Variants in CLUAP1 observed in about 807,000 individuals in gnomAD.
The protein encoded by CLUAP1 is clusterin-associated protein 1.
CLUAP1 carries 50 observed loss-of-function variants against 55.0 expected under a neutral mutation model. The ratio of observed to expected loss-of-function variants is 0.91; its 90% confidence interval spans 0.72 to 1.15. The LOEUF is 1.15. Ranked by LOEUF, CLUAP1 falls within the 50% of genes most tolerant of loss-of-function variation. The pLI is 0.00. For missense variants in CLUAP1, 530 were observed against 507.6 expected, an observed-to-expected ratio of 1.04 and a Z score of -0.42; for synonymous variants, 195 against 175.4, an observed-to-expected ratio of 1.11 and a Z score of -0.88.
chr16:3,506,315 T>G lies in CLUAP1; in HGVS notation c.135-16T>G. 6.2e-7 allele frequency: 1 copy of G among 1,607,050 alleles called. No individual in the cohort carries two copies. The highest frequency in any genetic ancestry group is 8.5e-7 in the Non-Finnish European group (1 of 1,173,620). On this transcript the variant is annotated splice_polypyrimidine_tract_variant and intron_variant, in intron 2 of 11. Transcript: ENST00000576634. ...CTTGGTTAACCCGTGCTCTCTCCTC[T>G]TACCTCTCTTGATAGATATGAGCCC...
chr16:3,514,860 C>G (rs78609813), intron 5 of CLUAP1, among the ~76,000 whole-genome samples: 1 of 152,302 alleles, frequency 6.6e-6, no homozygotes, highest in Non-Finnish European at 1.5e-5. Context: ...AACCTCATAA[C>G]TATATCCACA....
At chr16:3,522,410 C>T (rs968138916) in intron 7 of CLUAP1, among the ~76,000 whole-genome samples, 19 of 152,162 alleles carry the variant, frequency 1.2e-4, no homozygotes, top group African/African-American at 3.9e-4. Context: ...TTGATCCACC[C>T]GCCTCAGTCT....
chr16:3,505,123 C>T (rs940600839), intron 2 of CLUAP1, among the ~76,000 whole-genome samples: 3 of 152,176 alleles, frequency 2.0e-5, no homozygotes, highest in Non-Finnish European at 4.4e-5. Flanking sequence ...CTCATAGTTC[C>T]AGCGACTCAG....
chr16:3,496,841 C>G (rs1318711894), upstream of CLUAP1: 1 of 291,592 alleles, frequency 3.4e-6, no homozygotes, highest in Non-Finnish European at 6.7e-6. Flanking sequence ...TTTCTCTTGT[C>G]ACAGACGACC....
Position 3,537,378 on chromosome 16 carries a change from A to G in CLUAP1, c.*1107A>G, listed in dbSNP as rs538834071. ...TTCTTCTTCTTTTTTTTTAATATGAAAAGTACTTAGCTGGGAGTGGTGGCA... is the reference window on the plus strand; with the variant it reads ...TTCTTCTTCTTTTTTTTTAATATGAGAAGTACTTAGCTGGGAGTGGTGGCA... On this transcript the variant is annotated 3_prime_UTR_variant, in exon 12 of 12. Transcript: ENST00000576634. The G allele has an allele frequency of 6.6e-6, 1 of 152,114 alleles. No homozygotes were observed. Among genetic ancestry groups the G allele is most frequent in the East Asian group, 1.9e-4 (1 of 5,184 alleles). The allele number at this position is 152,114 out of a possible 1,614,324, so 9.4% of individuals were successfully genotyped here. A position where few individuals can be genotyped will look rare whatever the true frequency, so the allele number is the denominator to read the frequency against.
intron 8 of CLUAP1, among the ~76,000 whole-genome samples, chr16:3,525,151 T>C (rs1411790000): frequency 6.6e-6 from 1 of 152,166 alleles, no homozygotes; most frequent in Non-Finnish European, 1.5e-5. Context: ...CATGGAGAAA[T>C]GGTACGGGAC....
chr16:3,510,850 A>G (rs951463099), intron 4 of CLUAP1, among the ~76,000 whole-genome samples: 4 of 152,224 alleles, frequency 2.6e-5, no homozygotes, highest in South Asian at 2.1e-4. Flanking sequence ...TCCATTTGCC[A>G]CGCCGATTGG....
intron 10 of CLUAP1, among the ~76,000 whole-genome samples, chr16:3,532,243 A>G (rs951521184): frequency 2.0e-5 from 3 of 152,096 alleles, no homozygotes; most frequent in Admixed American, 6.6e-5. Context: ...TTGTATATAC[A>G]TCTTTCTGCA....
intron 9 of CLUAP1, among the ~76,000 whole-genome samples, chr16:3,529,854 T>G (rs1341788516): frequency 1.6e-5 from 1 of 61,912 alleles, no homozygotes; most frequent in Non-Finnish European, 2.9e-5. Context: ...ATAATATATA[T>G]TTTATAATAT....
At chr16:3,511,375 G>A (rs2037621860) in intron 4 of CLUAP1, among the ~76,000 whole-genome samples, 3 of 152,140 alleles carry the variant, frequency 2.0e-5, no homozygotes, top group Admixed American at 1.3e-4. Flanking sequence ...CTGTGCACAG[G>A]GCTCAGTGCT....
At chr16:3,498,664 C>A (rs371426675), upstream of CLUAP1, among the ~76,000 whole-genome samples, 5 of 152,216 alleles carry the variant, frequency 3.3e-5, no homozygotes, top group African/African-American at 1.2e-4. Context: ...TCCAGACCAT[C>A]CTGGCAAACA....
upstream of CLUAP1, among the ~76,000 whole-genome samples, chr16:3,499,208 G>A (rs891788271): frequency 3.9e-5 from 6 of 152,256 alleles, no homozygotes; most frequent in African/African-American, 4.8e-5. Flanking sequence ...AGCTGGGCGC[G>A]GTGGCGCGCG....
At position 3,501,056 on chromosome 16, in the gene CLUAP1, G is replaced by T. The variant is rs1425336774; in HGVS notation, c.-12G>T. 26 of 1,599,618 alleles carry T rather than the reference G, an allele frequency of 1.6e-5. No individual in the cohort carries two copies. Among genetic ancestry groups the T allele is most frequent in the Non-Finnish European group, 2.0e-5 (24 of 1,176,452 alleles). On this transcript the variant is annotated 5_prime_UTR_variant, in exon 1 of 12. Coordinates refer to ENST00000576634, the MANE Select transcript of CLUAP1 (RefSeq NM_015041.3). Reference sequence around the variant, plus strand: ...GCAGTTGCGACCCTGGGCTCCTGGGGACCTGAGCGTTATGTCTTTCCGCGA... The same window carrying T: ...GCAGTTGCGACCCTGGGCTCCTGGGTACCTGAGCGTTATGTCTTTCCGCGA...
chr16:3,533,408 G>C, intron 11 of CLUAP1: 1 of 515,466 alleles, frequency 1.9e-6, no homozygotes, highest in South Asian at 2.2e-5. Flanking sequence ...AAATGAAGGA[G>C]GACGCCGAGG....
intron 9 of CLUAP1, 73 bp from the exon 10 acceptor site, chr16:3,530,495 C>G: frequency 9.6e-7 from 1 of 1,040,426 alleles, no homozygotes; most frequent in South Asian, 1.3e-5. Flanking sequence ...TGCACACAGA[C>G]CTTACTGGGC....
intron 7 of CLUAP1, among the ~76,000 whole-genome samples, chr16:3,520,364 C>G (rs551953839): frequency 6.6e-6 from 1 of 151,140 alleles, no homozygotes; most frequent in Non-Finnish European, 1.5e-5. Context: ...AGAACAAGGC[C>G]GAGTAACAGA....
upstream of CLUAP1, chr16:3,496,339 G>A: frequency 8.5e-7 from 1 of 1,178,384 alleles, no homozygotes; most frequent in South Asian, 1.2e-5. Flanking sequence ...CATTCAACCA[G>A]GTTGTGCTGA....
chr16:3,528,091 C>A (rs2037982593), intron 9 of CLUAP1, among the ~76,000 whole-genome samples: 1 of 152,170 alleles, frequency 6.6e-6, no homozygotes, highest in Non-Finnish European at 1.5e-5. Flanking sequence ...ACCCACCGAC[C>A]CTGTGGGGCT....
chr16:3,525,832 G>A (rs1473119703), intron 8 of CLUAP1, among the ~76,000 whole-genome samples: 2 of 152,142 alleles, frequency 1.3e-5, no homozygotes, highest in African/African-American at 2.4e-5. Flanking sequence ...CTCCCAAAGC[G>A]TGGGGGTTAC....
Sources: gnomAD v4.1 joint callset for allele counts (sites outside exome capture counted in the v4.1 genomes callset) on GRCh38, gnomAD v4.1.1 for gene constraint, MANE v1.5 for transcripts, NCBI Gene and HGNC (gene_info 2026-07-23, HGNC 2026-07-21) for gene names.